The following PDK1 variants were observed in gnomAD, a reference collection of about 807,000 sequenced individuals.
The protein encoded by PDK1 is pyruvate dehydrogenase kinase 1, also known as [Pyruvate dehydrogenase (acetyl-transferring)] kinase isozyme 1, mitochondrial.
In PDK1, 39 loss-of-function variants were observed where a neutral mutation model predicts 54.2. The observed-to-expected ratio is 0.72, with a 90% CI of 0.56 to 0.94. The LOEUF is 0.94. Among genes scored for constraint, PDK1 ranks in the 40% least tolerant of loss-of-function variants. The probability of loss-of-function intolerance (pLI) is 0.00; values close to 1 mark genes in which losing one functional copy is unlikely to be tolerated. For synonymous variants in PDK1, 221 were observed against 207.1 expected, an observed-to-expected ratio of 1.07 and a Z score of -0.58; for missense variants, 552 against 566.0, an observed-to-expected ratio of 0.98 and a Z score of 0.25.
At chr2:172,672,468 TGACC>T in the PDK1 span, among the ~76,000 whole-genome samples, 2 of 152,196 alleles carry the variant, frequency 1.3e-5, no homozygotes, top group Non-Finnish European at 2.9e-5. Flanking sequence ...TTTTAAATAA[TGACC>T]CCAAAAGGCT....
the PDK1 span, among the ~76,000 whole-genome samples, chr2:172,698,294 G>A: frequency 6.6e-6 from 1 of 152,046 alleles, no homozygotes; most frequent in Non-Finnish European, 1.5e-5. Flanking sequence ...TCTCCACCAA[G>A]AATCTCCCTC....
At chr2:172,684,543 A>G in the PDK1 span, among the ~76,000 whole-genome samples, 2 of 152,228 alleles carry the variant, frequency 1.3e-5, no homozygotes, top group Non-Finnish European at 2.9e-5. Flanking sequence ...CAGTAAACCA[A>G]TCTGGAGATG....
chr2:172,620,615 T>C, the PDK1 span, among the ~76,000 whole-genome samples: 15 of 152,150 alleles, frequency 9.9e-5, no homozygotes, highest in African/African-American at 3.6e-4. Context: ...TGGGACTTAG[T>C]GGGAGGTGAC....
At position 172,599,544 on chromosome 2, in the gene PDK1, AT is replaced by A. The variant is rs1691041800; in HGVS notation, c.*3578del. On this transcript the variant is annotated 3_prime_UTR_variant, in exon 11 of 11. Transcript: ENST00000282077. Reference sequence around the variant, plus strand: ...AGGAACTTTTAATCATGTCTTATTAATTTCTGGTCCCAATAATTAATTTTCT... The same window carrying A: ...AGGAACTTTTAATCATGTCTTATTAATTCTGGTCCCAATAATTAATTTTCT... 6.6e-6 allele frequency: 1 copy of A among 152,228 alleles called. No homozygotes were observed. The highest frequency in any genetic ancestry group is 1.9e-4 in the East Asian group (1 of 5,184). 9.4% of individuals were successfully genotyped at this position (152,228 alleles called of 1,614,324 possible). A position where few individuals can be genotyped will look rare whatever the true frequency, so the allele number is the denominator to read the frequency against.
the PDK1 span, among the ~76,000 whole-genome samples, chr2:172,644,730 G>T: frequency 3.4e-3 from 512 of 152,286 alleles, 3 homozygotes; most frequent in African/African-American, 0.011. Context: ...CCAATGTGAA[G>T]GACTGCTTTC....
chr2:172,598,736 T>C lies in PDK1; in HGVS notation c.*2767T>C, dbSNP rs1291435913. 2 of 152,220 alleles carry C rather than the reference T, an allele frequency of 1.3e-5. No individual in the cohort carries two copies. Among genetic ancestry groups the C allele is most frequent in the Non-Finnish European group, 2.9e-5 (2 of 68,044 alleles). The allele number at this position is 152,220 out of a possible 1,614,324, so 9.4% of individuals were successfully genotyped here. On this transcript the variant is annotated 3_prime_UTR_variant, in exon 11 of 11. Coordinates refer to ENST00000282077, the MANE Select transcript of PDK1 (RefSeq NM_002610.5). ...TATGTTGAAGTAGAAGTCTACCATA[T>C]TATTTTATAAAATGTTTTCTGTATG...
the PDK1 span, among the ~76,000 whole-genome samples, chr2:172,646,928 G>A: frequency 6.6e-6 from 1 of 151,668 alleles, no homozygotes; most frequent in African/African-American, 2.4e-5. Context: ...GTAGAGACGG[G>A]GTTTCACCAT....
the PDK1 span, among the ~76,000 whole-genome samples, chr2:172,714,097 G>A: frequency 6.6e-6 from 1 of 152,216 alleles, no homozygotes; most frequent in Non-Finnish European, 1.5e-5. Flanking sequence ...CTTCATTAGA[G>A]TAGTACTTTT....
rs2149305736 is a variant in PDK1 at position 172,597,046 on chromosome 2, A to C, written c.*1077A>C. 6.6e-6 allele frequency: 1 copy of C among 152,322 alleles called. No individual in the cohort carries two copies. The highest frequency in any genetic ancestry group is 1.5e-5 in the Non-Finnish European group (1 of 68,034). The allele number at this position is 152,322 out of a possible 1,614,324, so 9.4% of individuals were successfully genotyped here. On this transcript the variant is annotated 3_prime_UTR_variant, in exon 11 of 11. Transcript: ENST00000282077. ...CAATTAGAAGCATAATTAGAAGCAGAAGAACAAAATGCCACGTAACCAAAG... is the reference window on the plus strand; with the variant it reads ...CAATTAGAAGCATAATTAGAAGCAGCAGAACAAAATGCCACGTAACCAAAG...
chr2:172,646,735 CTTTTTT>C, the PDK1 span, among the ~76,000 whole-genome samples: 9 of 72,060 alleles, frequency 1.2e-4, no homozygotes, highest in Non-Finnish European at 2.4e-4. Flanking sequence ...CTTGCATTTC[CTTTTTT>C]TTTTTTTTTT....
chr2:172,719,081 C>T, the PDK1 span, among the ~76,000 whole-genome samples: 1 of 152,126 alleles, frequency 6.6e-6, no homozygotes, highest in Non-Finnish European at 1.5e-5. Context: ...TTATATAGCT[C>T]CTCTAGTCTT....
chr2:172,562,801 G>A lies in PDK1; in HGVS notation c.410+510G>A, dbSNP rs774617802. 27 of 1,611,618 alleles carry A rather than the reference G, an allele frequency of 1.7e-5. No homozygotes were observed. In the East Asian group the frequency reaches 2.2e-4, roughly 13 times the overall value. On this transcript the variant is annotated intron_variant, in intron 3 of 10. Transcript: ENST00000282077. ...TATGCTGTATGGCCTGCAAGATGATGTAAGTAATATGACAATGTTAATAAC... is the reference window on the plus strand; with the variant it reads ...TATGCTGTATGGCCTGCAAGATGATATAAGTAATATGACAATGTTAATAAC...
the PDK1 span, among the ~76,000 whole-genome samples, chr2:172,668,841 A>G: frequency 2.7e-5 from 4 of 146,792 alleles, no homozygotes; most frequent in Middle Eastern, 3.3e-3. Context: ...ATGTATGTAT[A>G]TACACACACA....
chr2:172,622,071 CAT>C, the PDK1 span, among the ~76,000 whole-genome samples: 1,070 of 140,600 alleles, frequency 7.6e-3, 27 homozygotes, highest in African/African-American at 0.026. Flanking sequence ...GTTTATATCT[CAT>C]ATATTATGTG....
At chr2:172,594,758 G>A (rs1039496737) in intron 10 of PDK1, among the ~76,000 whole-genome samples, 1 of 152,188 alleles carries the variant, frequency 6.6e-6, no homozygotes, top group Non-Finnish European at 1.5e-5. Context: ...AGGGTGTTCT[G>A]CATCTTAGGA....
the PDK1 span, among the ~76,000 whole-genome samples, chr2:172,660,361 A>G: frequency 5.8e-3 from 840 of 144,002 alleles, 19 homozygotes; most frequent in East Asian, 0.043. Context: ...GGTTCAAGCA[A>G]TTCTCCTGCC....
At chr2:172,594,166 T>C (rs2149298747) in intron 10 of PDK1, among the ~76,000 whole-genome samples, 1 of 151,534 alleles carries the variant, frequency 6.6e-6, no homozygotes, top group South Asian at 2.1e-4. Context: ...GCCTTCCGAA[T>C]AGCTGGGATT....
the PDK1 span, among the ~76,000 whole-genome samples, chr2:172,624,051 C>T: frequency 6.6e-6 from 1 of 152,210 alleles, no homozygotes; most frequent in Non-Finnish European, 1.5e-5. Context: ...CCTCCTCCCA[C>T]ATCTGATGGA....
chr2:172,701,093 T>G, the PDK1 span, among the ~76,000 whole-genome samples: 9 of 152,234 alleles, frequency 5.9e-5, no homozygotes, highest in South Asian at 1.9e-3. Context: ...AATTTTTATT[T>G]GTACAAAGTA....
Sources: allele counts gnomAD v4.1 joint callset (sites outside exome capture counted in the v4.1 genomes callset), GRCh38; gene constraint gnomAD v4.1.1; transcripts MANE v1.5; gene names NCBI Gene and HGNC (gene_info 2026-07-23, HGNC 2026-07-21).